PDZRN4: variants seen among roughly 807,000 people sequenced by gnomAD.
PDZRN4 encodes the protein PDZ domain-containing RING finger protein 4.
Under a neutral mutation model 99.0 loss-of-function variants are expected in PDZRN4, and 70 were observed. The observed-to-expected ratio is 0.71, with a 90% CI of 0.58 to 0.86. PDZRN4 has a LOEUF of 0.86. Among genes scored for constraint, PDZRN4 ranks in the 40% least tolerant of loss-of-function variants. PDZRN4 has a pLI of 0.00. For synonymous variants in PDZRN4, 551 were observed against 501.6 expected, an observed-to-expected ratio of 1.10 and a Z score of -1.32; for missense variants, 1,474 against 1,331.2, an observed-to-expected ratio of 1.11 and a Z score of -1.67.
chr12:41,503,002 G>A (rs1938137342), intron 3 of PDZRN4, among the ~76,000 whole-genome samples: 1 of 152,072 alleles, frequency 6.6e-6, no homozygotes, highest in Non-Finnish European at 1.5e-5. Context: ...TGATAACTGA[G>A]CAGAGCAATT....
At position 41,321,817 on chromosome 12, in the gene PDZRN4, G is replaced by A. The variant is rs150582308; in HGVS notation, c.843+127629G>A. ...TTCCTTGAACAGAGATGCTATCATC[G>A]AGGATATTTTGGAATTATTATAACT... is the stretch of plus-strand genomic sequence containing the variant. On this transcript the variant is annotated intron_variant, in intron 3 of 9. Coordinates refer to ENST00000402685, the MANE Select transcript of PDZRN4 (RefSeq NM_001164595.2). Among the ~76,000 whole-genome samples the A allele has an allele frequency of 2.2e-4, 34 of 152,132 alleles. No individual in the cohort carries two copies. The East Asian group carries it at 4.6e-3, about 21-fold the overall frequency.
In PDZRN4 at chr12:41,573,490, G is replaced by C; in HGVS notation, c.2711G>C (p.Arg904Thr). Residue 904 changes from arginine to threonine, a missense_variant, in exon 10 of 10, where the codon AGA (arginine) becomes ACA (threonine). Physicochemically the swap from Arg to Thr is moderately conservative, Grantham distance 71 (BLOSUM62 -1). Coordinates refer to ENST00000402685, the MANE Select transcript of PDZRN4 (RefSeq NM_001164595.2). ...RSDGTRYITK[R>T]PVRDRILKER... is the part of the protein sequence containing the mutation. ...GACGGGACACGGTACATCACAAAGA[G>C]ACCCGTGCGAGACCGAATCCTGAAG... 1 of 1,613,990 alleles carries C rather than the reference G, an allele frequency of 6.2e-7. No homozygotes were observed. Among genetic ancestry groups the C allele is most frequent in the Non-Finnish European group, 8.5e-7 (1 of 1,179,992 alleles).
intron 5 of PDZRN4, among the ~76,000 whole-genome samples, chr12:41,536,070 C>T (rs891200494): frequency 1.3e-5 from 2 of 152,150 alleles, no homozygotes; most frequent in Admixed American, 6.5e-5. Context: ...GCTTTGTCTC[C>T]TGTCCTTCAT....
chr12:41,442,359 G>A (rs1389553003), intron 3 of PDZRN4, among the ~76,000 whole-genome samples: 1 of 151,964 alleles, frequency 6.6e-6, no homozygotes, highest in South Asian at 2.1e-4. Context: ...TGCATTTATT[G>A]TTCTTTTTTT....
chr12:41,304,892 T>A (rs186607809), intron 3 of PDZRN4, among the ~76,000 whole-genome samples: 2 of 152,218 alleles, frequency 1.3e-5, no homozygotes, highest in East Asian at 3.9e-4. Context: ...GCATACTGCA[T>A]AACATACTTC....
At chr12:41,337,857 G>T (rs748839665) in intron 3 of PDZRN4, among the ~76,000 whole-genome samples, 1 of 152,124 alleles carries the variant, frequency 6.6e-6, no homozygotes, top group Non-Finnish European at 1.5e-5. Flanking sequence ...AATGAAGGAT[G>T]CTGGGCCATC....
intron 5 of PDZRN4, among the ~76,000 whole-genome samples, chr12:41,531,811 T>A (rs1231346310): frequency 6.6e-6 from 1 of 152,234 alleles, no homozygotes; most frequent in Non-Finnish European, 1.5e-5. Flanking sequence ...ATTTACTTTT[T>A]AGCTCTTTAT....
intron 3 of PDZRN4, among the ~76,000 whole-genome samples, chr12:41,497,132 C>T (rs1938020998): frequency 6.6e-6 from 1 of 152,046 alleles, no homozygotes; most frequent in Admixed American, 6.6e-5. Flanking sequence ...CTTTTGTGCT[C>T]TCATCACAAA....
At chr12:41,284,501 A>C (rs1349936875) in intron 3 of PDZRN4, among the ~76,000 whole-genome samples, 4 of 152,132 alleles carry the variant, frequency 2.6e-5, no homozygotes, top group African/African-American at 9.7e-5. Context: ...AATTAGAAAA[A>C]ACTACTTTAA....
At chr12:41,371,652 C>A (rs11180861) in intron 3 of PDZRN4, among the ~76,000 whole-genome samples, 3 of 151,972 alleles carry the variant, frequency 2.0e-5, no homozygotes, top group Non-Finnish European at 4.4e-5. Flanking sequence ...TTTTGGTTTT[C>A]GCTTTATTTT....
intron 3 of PDZRN4, among the ~76,000 whole-genome samples, chr12:41,411,065 ATAT>A (rs1240200575): frequency 5.9e-5 from 6 of 101,210 alleles, no homozygotes; most frequent in African/African-American, 2.2e-4. Flanking sequence ...ATATATATAT[ATAT>A]TTTTTTTTTA....
chr12:41,306,743 C>G (rs1196374418), intron 3 of PDZRN4, among the ~76,000 whole-genome samples: 2 of 152,186 alleles, frequency 1.3e-5, no homozygotes, highest in Non-Finnish European at 2.9e-5. Flanking sequence ...AGAAACCAAG[C>G]CACTCCTTCA....
chr12:41,492,439 A>G (rs1337051814), intron 3 of PDZRN4, among the ~76,000 whole-genome samples: 1 of 152,168 alleles, frequency 6.6e-6, no homozygotes, highest in Non-Finnish European at 1.5e-5. Context: ...AGCAGAGAAG[A>G]TTGGGAGGGG....
intron 3 of PDZRN4, among the ~76,000 whole-genome samples, chr12:41,285,970 T>A (rs573954073): frequency 2.6e-5 from 4 of 151,944 alleles, no homozygotes; most frequent in Non-Finnish European, 4.4e-5. Flanking sequence ...GTGCACTTTC[T>A]GCACATGTGT....
rs570990815 is a variant in PDZRN4, at chr12:41,554,119, T to C, written c.1302+1365T>C. 5.3e-5 allele frequency among the ~76,000 whole-genome samples: 8 copies of C among 152,304 alleles called. No individual in the cohort carries two copies. The East Asian group carries it at 1.5e-3, about 29-fold the overall frequency. The stretch of plus-strand genomic sequence containing the variant: ...TCAACTTATGTACTTCTTTTAAATA[T>C]GCAATTAGGATAATTCCTCTGATTA... On this transcript the variant is annotated intron_variant, in intron 6 of 9. Coordinates refer to ENST00000402685, the MANE Select transcript of PDZRN4 (RefSeq NM_001164595.2).
chr12:41,510,705 A>G (rs1178774206), intron 5 of PDZRN4, among the ~76,000 whole-genome samples: 1 of 152,130 alleles, frequency 6.6e-6, no homozygotes, highest in Non-Finnish European at 1.5e-5. Flanking sequence ...CAAGTTCAGC[A>G]AAGTGTTCTC....
chr12:41,260,944 C>T (rs1951234565), intron 3 of PDZRN4, among the ~76,000 whole-genome samples: 2 of 152,054 alleles, frequency 1.3e-5, no homozygotes, highest in African/African-American at 4.8e-5. Context: ...AGTTTTAAAT[C>T]TTGTGTTTTA....
At position 41,340,419 on chromosome 12, in the gene PDZRN4, C is replaced by T. The variant is rs1173782857; in HGVS notation, c.843+146231C>T. 2.6e-5 allele frequency among the ~76,000 whole-genome samples: 4 copies of T among 151,264 alleles called. No individual in the cohort carries two copies. The East Asian group carries it at 7.8e-4, about 29-fold the overall frequency. ...GAGATGGAGAGTAGAATAATGGTTA[C>T]CAGAGGCTGGGAAGGGTAGTGAGGT... On this transcript the variant is annotated intron_variant, in intron 3 of 9. Coordinates refer to ENST00000402685, the MANE Select transcript of PDZRN4 (RefSeq NM_001164595.2).
intron 3 of PDZRN4, among the ~76,000 whole-genome samples, chr12:41,295,343 C>T (rs1951485077): frequency 6.6e-6 from 1 of 151,856 alleles, no homozygotes; most frequent in Non-Finnish European, 1.5e-5. Flanking sequence ...AAAAATAGTC[C>T]CCAATTTCAG....
Sources: gnomAD v4.1 joint callset for allele counts (sites outside exome capture counted in the v4.1 genomes callset) on GRCh38, gnomAD v4.1.1 for gene constraint, MANE v1.5 for transcripts, NCBI Gene and HGNC (gene_info 2026-07-23, HGNC 2026-07-21) for gene names.